PDXDC1: variants seen among roughly 807,000 people sequenced by gnomAD.
PDXDC1 encodes pyridoxal dependent decarboxylase domain containing 1.
PDXDC1 carries 42 observed loss-of-function variants against 100.1 expected under a neutral mutation model. That is an observed-to-expected ratio of 0.42 (90% CI 0.33 to 0.54). The LOEUF is 0.54. Among genes scored for constraint, PDXDC1 ranks in the 20% least tolerant of loss-of-function variants. The probability of loss-of-function intolerance (pLI) is 0.10; values close to 1 mark genes in which losing one functional copy is unlikely to be tolerated. For synonymous variants in PDXDC1, 260 were observed against 371.7 expected, an observed-to-expected ratio of 0.70 and a Z score of 3.46; for missense variants, 636 against 979.2, an observed-to-expected ratio of 0.65 and a Z score of 4.68.
chr16:15,061,790 C>T (rs1451423253), intron 16 of PDXDC1: 1 of 1,614,104 alleles, frequency 6.2e-7, no homozygotes, highest in Non-Finnish European at 8.5e-7. Flanking sequence ...GGAGCCCACA[C>T]TACTTGAAGG....
At chr16:15,125,739 C>G (rs2377167) in intron 16 of PDXDC1, 2 of 1,488,398 alleles carry the variant, frequency 1.3e-6, no homozygotes, top group East Asian at 4.6e-5. Flanking sequence ...CCAGCACGGA[C>G]GAGTCCAGGC....
intron 16 of PDXDC1, chr16:15,076,388 G>C: frequency 1.6e-6 from 1 of 638,286 alleles, no homozygotes; most frequent in Non-Finnish European, 2.8e-6. Flanking sequence ...GACCAACTAT[G>C]CTAAGTGCTA....
chr16:15,114,136 T>G (rs372503249), intron 16 of PDXDC1, among the ~76,000 whole-genome samples: 248 of 146,984 alleles, frequency 1.7e-3, no homozygotes, highest in African/African-American at 2.2e-3. Flanking sequence ...TAAAGCAGAA[T>G]AGTTTAGAAA....
downstream of PDXDC1, among the ~76,000 whole-genome samples, chr16:15,140,445 CT>C (rs2048451839): frequency 9.7e-6 from 1 of 103,366 alleles, no homozygotes; most frequent in Non-Finnish European, 1.8e-5. Context: ...GAAGCTCCAT[CT>C]CAAAAAAAAA....
intron 13 of PDXDC1, among the ~76,000 whole-genome samples, chr16:15,024,524 T>C (rs1205872544): frequency 6.6e-6 from 1 of 152,354 alleles, no homozygotes; most frequent in African/African-American, 2.4e-5. Flanking sequence ...GCAGTTCTCC[T>C]GCCTCAGCCT....
chr16:15,013,348 CAAAAAAAAAAG>C (rs1445926324), intron 8 of PDXDC1, among the ~76,000 whole-genome samples: 19 of 111,820 alleles, frequency 1.7e-4, no homozygotes, highest in East Asian at 1.1e-3. Context: ...GACCCTATCT[CAAAAAAAAAAG>C]AAAAAAAAAA....
the PDXDC1 span, among the ~76,000 whole-genome samples, chr16:15,150,391 G>T: frequency 7.3e-6 from 1 of 137,888 alleles, no homozygotes; most frequent in Non-Finnish European, 1.6e-5. Flanking sequence ...ATAAATAAAA[G>T]ACATCACTCA....
At chr16:15,063,704 CAAAAAAAAAAAAAAAAAA>C (rs2044822751) in intron 16 of PDXDC1, among the ~76,000 whole-genome samples, 1 of 89,130 alleles carries the variant, frequency 1.1e-5, no homozygotes, top group Non-Finnish European at 2.0e-5. Flanking sequence ...GACTCTGTCT[CAAAAAAAAAAAAAAAAAA>C]GAAAAAAACA....
rs1261280713 is a variant in PDXDC1 at position 15,036,122 on chromosome 16, G to A, written c.2214G>A (p.Gly738=). The A allele has an allele frequency of 4.3e-6, 7 of 1,614,044 alleles. No individual in the cohort carries two copies. The South Asian group carries it at 4.4e-5, about 10-fold the overall frequency. The change falls in exon 23 of 23, where the codon GGG becomes GGA. Residue 738 remains glycine (G), a synonymous_variant. Transcript: ENST00000396410. The part of the protein sequence containing the change: ...DLEKVERLSS[G]PEQITLEASS... ...AAAAGGTGGAGCGCCTATCCAGTGG[G>A]CCGGAGCAGATCACCCTCGAGGCCA... is the stretch of plus-strand genomic sequence containing the variant.
intron 16 of PDXDC1, chr16:15,047,319 A>T: frequency 1.4e-6 from 1 of 703,924 alleles, no homozygotes; most frequent in Non-Finnish European, 2.6e-6. Context: ...GTTCTGTTCC[A>T]GGGGAACGAG....
chr16:15,147,134 G>A, the PDXDC1 span, among the ~76,000 whole-genome samples: 1 of 145,938 alleles, frequency 6.9e-6, no homozygotes, highest in East Asian at 2.1e-4. Context: ...GGCTGGCAGG[G>A]AGGGAGAGGT....
intron 16 of PDXDC1, chr16:15,068,408 T>G (rs1474659268): frequency 1.9e-5 from 23 of 1,207,920 alleles, no homozygotes; most frequent in Non-Finnish European, 2.4e-5. Flanking sequence ...ATGCTTTAAA[T>G]AAAGGTCCAT....
intron 16 of PDXDC1, chr16:15,047,463 G>C: frequency 1.9e-6 from 3 of 1,611,406 alleles, no homozygotes; most frequent in Non-Finnish European, 1.7e-6. Context: ...AGCGTGGTCA[G>C]AAAAGGATTT....
At chr16:15,077,645 T>G (rs1313679465) in intron 16 of PDXDC1, among the ~76,000 whole-genome samples, 1 of 152,220 alleles carries the variant, frequency 6.6e-6, no homozygotes, top group South Asian at 2.1e-4. Context: ...ATTGAGACCA[T>G]CCTGGCTAAC....
intron 2 of PDXDC1, among the ~76,000 whole-genome samples, 196 bp downstream of exon 2, chr16:14,998,022 T>C (rs1262617695): frequency 6.6e-6 from 1 of 152,288 alleles, no homozygotes; most frequent in Non-Finnish European, 1.5e-5. Flanking sequence ...GAAAGACTTA[T>C]ACTATTTAAT....
intron 8 of PDXDC1, among the ~76,000 whole-genome samples, chr16:15,013,865 T>A (rs10852373): frequency 0.85 from 125,466 of 147,996 alleles, 51,745 homozygotes; most frequent in Admixed American, 0.91. Flanking sequence ...ACAGAAAGGG[T>A]CTCTGTCTCA....
rs1414386401 is a variant in PDXDC1 at position 15,127,106 on chromosome 16, T to C, written c.1400-11773T>C. The C allele has an allele frequency of 3.9e-5, 14 of 357,290 alleles. No homozygotes were observed. The Admixed American group carries it at 4.9e-4, about 12-fold the overall frequency. 22.1% of individuals were successfully genotyped at this position (357,290 alleles called of 1,614,324 possible). ...CCCGGCCCGGCCACTGGGAGGTTTC[T>C]AAGGGACTAACTCGGCCTCTTCACT... On this transcript the variant is annotated intron_variant, in intron 16 of 16. Coordinates refer to the PDXDC1 transcript ENST00000535621.
intron 13 of PDXDC1, chr16:15,026,156 CA>C (rs1199252301): frequency 1.8e-4 from 29 of 159,228 alleles, no homozygotes; most frequent in Admixed American, 7.1e-4. Flanking sequence ...GTAATCCCAA[CA>C]CTTGGAAAGC....
chr16:15,075,593 G>A (rs201238865), intron 16 of PDXDC1, among the ~76,000 whole-genome samples: 1 of 22,374 alleles, frequency 4.5e-5, no homozygotes, highest in African/African-American at 7.0e-5. Context: ...AGAAAGAAAA[G>A]AAAGAAAGAA....
Sources: gnomAD v4.1 joint callset for allele counts (sites outside exome capture counted in the v4.1 genomes callset) on GRCh38, gnomAD v4.1.1 for gene constraint, MANE v1.5 for transcripts, NCBI Gene and HGNC (gene_info 2026-07-23, HGNC 2026-07-21) for gene names.